DISC1: variants seen among roughly 807,000 people sequenced by gnomAD.
DISC1 encodes the protein disrupted in schizophrenia 1 protein.
DISC1 carries 57 observed loss-of-function variants against 84.5 expected under a neutral mutation model. That is an observed-to-expected ratio of 0.67 (90% confidence interval 0.55 to 0.84). DISC1 has a LOEUF of 0.84. Ranked by LOEUF, DISC1 falls within the 40% of genes least tolerant of loss-of-function variation. The probability of loss-of-function intolerance (pLI) is 0.00; values close to 1 mark genes in which losing one functional copy is unlikely to be tolerated. For missense variants in DISC1, 1,000 were observed against 1,057.8 expected (o/e 0.95, Z 0.76); for synonymous variants, 411 against 415.2 (o/e 0.99, Z 0.12).
chr1:231,771,549 A>G, intron 6 of DISC1: 1 of 985,438 alleles, frequency 1.0e-6, no homozygotes, highest in Non-Finnish European at 1.2e-6. Flanking sequence ...GGTGCTTACC[A>G]TGTACCAGGC....
At chr1:231,736,788 T>C (rs1482256231) in intron 3 of DISC1, among the ~76,000 whole-genome samples, 4 of 152,238 alleles carry the variant, frequency 2.6e-5, no homozygotes, top group African/African-American at 9.6e-5. Context: ...TATGAAGACA[T>C]TGATTGCTTT....
chr1:232,012,795 G>A (rs1668147396), intron 11 of DISC1, among the ~76,000 whole-genome samples: 4 of 152,160 alleles, frequency 2.6e-5, no homozygotes, highest in Admixed American at 2.0e-4. Flanking sequence ...TCCTTGCCAG[G>A]CTGCTGAGCA....
At chr1:231,627,038 TAAC>T (rs1263353786) in intron 1 of DISC1, 104 bp downstream of exon 1, 6 of 743,260 alleles carry the variant, frequency 8.1e-6, no homozygotes, top group African/African-American at 5.7e-5. Flanking sequence ...GTGCCTCTGT[TAAC>T]AACCCCTTTC....
intron 1 of DISC1, among the ~76,000 whole-genome samples, chr1:231,668,357 C>T (rs922402329): frequency 6.6e-6 from 1 of 152,134 alleles, no homozygotes; most frequent in Non-Finnish European, 1.5e-5. Flanking sequence ...GATATTATAA[C>T]ATGTGTTTTC....
At position 231,857,715 on chromosome 1, in the gene DISC1, C is replaced by T. The variant is rs550624044; in HGVS notation, c.1981+39198C>T. On this transcript the variant is annotated intron_variant, in intron 9 of 12. Transcript: ENST00000439617. ...AGCTGAAGTCTGTTTGACTTTCTTCCGGAATCAGCACAGTCCAAATGCAGC... is the reference window on the plus strand; with the variant it reads ...AGCTGAAGTCTGTTTGACTTTCTTCTGGAATCAGCACAGTCCAAATGCAGC... 1.5e-4 allele frequency among the ~76,000 whole-genome samples: 23 copies of T among 152,248 alleles called. No homozygotes were observed. The South Asian group carries it at 2.1e-3, about 14-fold the overall frequency.
chr1:231,877,485 AAAT>A (rs2125974495), intron 9 of DISC1, among the ~76,000 whole-genome samples: 1 of 152,322 alleles, frequency 6.6e-6, no homozygotes, highest in South Asian at 2.1e-4. Context: ...CAGAGGGAAA[AAAT>A]AAGTATTGAT....
chr1:231,781,192 G>GA (rs61353660), intron 6 of DISC1, among the ~76,000 whole-genome samples: 13,613 of 133,964 alleles, frequency 0.1, 862 homozygotes, highest in Non-Finnish European at 0.14. Context: ...GCAGCCTCAG[G>GA]AAAAAAAAAA....
chr1:231,704,841 C>A (rs1045924992), intron 3 of DISC1, among the ~76,000 whole-genome samples: 1 of 146,840 alleles, frequency 6.8e-6, no homozygotes, highest in Non-Finnish European at 1.5e-5. Flanking sequence ...TTCTAATGAT[C>A]TCCCAAATGA....
At chr1:231,639,398 G>A (rs2059447221) in intron 1 of DISC1, among the ~76,000 whole-genome samples, 1 of 152,162 alleles carries the variant, frequency 6.6e-6, no homozygotes, top group African/African-American at 2.4e-5. Context: ...CACCTGTGGT[G>A]CTCCCAACAC....
intron 3 of DISC1, among the ~76,000 whole-genome samples, chr1:231,745,105 TA>T (rs1456872944): frequency 3.9e-5 from 6 of 152,208 alleles, no homozygotes; most frequent in African/African-American, 7.2e-5. Context: ...TTTCCCCACT[TA>T]AAAAATTTGC....
Position 232,031,854 on chromosome 1 carries a change from T to C in DISC1, c.2426-4838T>C, listed in dbSNP as rs1267046495. 6.6e-6 allele frequency among the ~76,000 whole-genome samples: 1 copy of C among 152,156 alleles called. No individual in the cohort carries two copies. Among genetic ancestry groups the C allele is most frequent in the Non-Finnish European group, 1.5e-5 (1 of 68,032 alleles). On this transcript the variant is annotated intron_variant, in intron 12 of 12. Transcript: ENST00000439617. This position sits in a 1 kb window ranked among gnomAD's most constrained non-coding sequence, Gnocchi z 4.6. Reference sequence around the variant, plus strand: ...CTTGAAAGACTGTGATCCTCATGGCTTTTCCATGAGGATCTCCAGTACCAA... The same window carrying C: ...CTTGAAAGACTGTGATCCTCATGGCCTTTCCATGAGGATCTCCAGTACCAA...
At chr1:231,903,527 A>C (rs746690158) in intron 9 of DISC1, among the ~76,000 whole-genome samples, 1 of 152,230 alleles carries the variant, frequency 6.6e-6, no homozygotes. Context: ...ACCTCAAGCC[A>C]TAGGATTGCC....
chr1:231,653,506 C>T (rs566015965), intron 1 of DISC1, among the ~76,000 whole-genome samples: 2 of 152,326 alleles, frequency 1.3e-5, no homozygotes, highest in South Asian at 4.1e-4. Flanking sequence ...CTTCTGCCCC[C>T]ATTCCATTGG....
intron 6 of DISC1, among the ~76,000 whole-genome samples, chr1:231,787,236 TG>T (rs2077950156): frequency 6.6e-6 from 1 of 152,186 alleles, no homozygotes; most frequent in Non-Finnish European, 1.5e-5. Context: ...TAGTCCATTT[TG>T]TTACTACAGA....
Position 231,954,580 on chromosome 1 carries a change from T to C in DISC1, c.1982-4248T>C, listed in dbSNP as rs1001068879. On this transcript the variant is annotated intron_variant, in intron 9 of 12. Coordinates refer to ENST00000439617, the MANE Select transcript of DISC1 (RefSeq NM_018662.3). This position sits in a 1 kb window ranked among gnomAD's most constrained non-coding sequence, Gnocchi z 4.8. ...GTCTTGTTTGTTTCGTAGCATTTCA[T>C]TTTGTATTCAGCATTTCTTTGAGCG... is the stretch of plus-strand genomic sequence containing the variant. 6.6e-6 allele frequency among the ~76,000 whole-genome samples: 1 copy of C among 152,156 alleles called. No homozygotes were observed. Among genetic ancestry groups the C allele is most frequent in the African/African-American group, 2.4e-5 (1 of 41,398 alleles).
intron 2 of DISC1, among the ~76,000 whole-genome samples, chr1:231,697,969 A>T (rs1290635380): frequency 2.0e-5 from 3 of 152,142 alleles, no homozygotes; most frequent in Non-Finnish European, 4.4e-5. Context: ...CATAGTGCTA[A>T]TGTCATCTAG....
rs1003021538 is a variant in DISC1 at position 231,916,524 on chromosome 1, G to A, written c.1982-42304G>A. Among the ~76,000 whole-genome samples, 6 of 150,562 alleles carry A rather than the reference G, an allele frequency of 4.0e-5. No homozygotes were observed. The East Asian group carries it at 9.8e-4, about 25-fold the overall frequency. On this transcript the variant is annotated intron_variant, in intron 9 of 12. Coordinates refer to ENST00000439617, the MANE Select transcript of DISC1 (RefSeq NM_018662.3). ...AAAAAAATTAGCCGGGCGTAGTGGC[G>A]GGCGCCTGTAGTCCCAGCTACTCGG...
At chr1:231,832,168 A>G (rs995314153) in intron 9 of DISC1, among the ~76,000 whole-genome samples, 1 of 143,218 alleles carries the variant, frequency 7.0e-6, no homozygotes, top group African/African-American at 2.6e-5. Flanking sequence ...CAGGGAGCAG[A>G]AAGTATATGC....
intron 9 of DISC1, among the ~76,000 whole-genome samples, chr1:231,820,302 C>T (rs1468403604): frequency 6.6e-6 from 1 of 152,026 alleles, no homozygotes; most frequent in Non-Finnish European, 1.5e-5. Flanking sequence ...TGTGATAAAA[C>T]TGGGGCAAAG....
Sources: allele counts gnomAD v4.1 joint callset (sites outside exome capture counted in the v4.1 genomes callset), GRCh38; gene constraint gnomAD v4.1.1; non-coding constraint Gnocchi (gnomAD v3.1); transcripts MANE v1.5; gene names NCBI Gene and HGNC (gene_info 2026-07-23, HGNC 2026-07-21).